The following SEMA3E variants were observed in gnomAD, a reference collection of about 807,000 sequenced individuals.
The protein encoded by SEMA3E is semaphorin-3E.
A neutral mutation model predicts 93.6 loss-of-function variants in SEMA3E; 49 were observed. That is an observed-to-expected ratio of 0.52 (90% CI 0.42 to 0.66). SEMA3E has a LOEUF of 0.66. Among genes scored for constraint, SEMA3E ranks in the 30% least tolerant of loss-of-function variants. The pLI, the probability that SEMA3E is intolerant of heterozygous loss-of-function variation, is 0.00. For missense variants in SEMA3E, 906 were observed against 964.8 expected, an observed-to-expected ratio of 0.94 and a Z score of 0.81; for synonymous variants, 363 against 330.7, an observed-to-expected ratio of 1.10 and a Z score of -1.06.
At chr7:83,554,669 C>G (rs1791845391) in intron 1 of SEMA3E, among the ~76,000 whole-genome samples, 2 of 152,000 alleles carry the variant, frequency 1.3e-5, no homozygotes, top group Admixed American at 1.3e-4. Flanking sequence ...AACAAGATTA[C>G]TAACACTTTA....
chr7:83,487,330 C>T (rs932659754), intron 2 of SEMA3E, among the ~76,000 whole-genome samples: 1 of 152,130 alleles, frequency 6.6e-6, no homozygotes, highest in Middle Eastern at 3.4e-3. Context: ...GGAACCACTC[C>T]ATAAGAGTCA....
intron 4 of SEMA3E, among the ~76,000 whole-genome samples, chr7:83,456,177 T>C (rs1789474482): frequency 6.6e-6 from 1 of 152,256 alleles, no homozygotes; most frequent in South Asian, 2.1e-4. Flanking sequence ...ATTTTAATTT[T>C]GCAAGAGTTC....
chr7:83,630,357 T>C (rs985145496), intron 1 of SEMA3E, among the ~76,000 whole-genome samples: 3 of 152,254 alleles, frequency 2.0e-5, no homozygotes, highest in Non-Finnish European at 4.4e-5. Context: ...GAGATTGTCA[T>C]ATTAAATAAA....
At chr7:83,388,870 A>C (rs1362230588) in intron 14 of SEMA3E, among the ~76,000 whole-genome samples, 1 of 146,506 alleles carries the variant, frequency 6.8e-6, no homozygotes, top group East Asian at 2.0e-4. Flanking sequence ...ATAGAATGCT[A>C]TTTCAAGAGA....
At chr7:83,593,232 C>CTCTCTT (rs1478108131) in intron 1 of SEMA3E, among the ~76,000 whole-genome samples, 1 of 145,946 alleles carries the variant, frequency 6.9e-6, no homozygotes, top group East Asian at 2.1e-4. Context: ...CTCTCTCTCT[C>CTCTCTT]TCTCTTTCGC....
At chr7:83,555,455 G>A (rs1390437614) in intron 1 of SEMA3E, among the ~76,000 whole-genome samples, 1 of 152,086 alleles carries the variant, frequency 6.6e-6, no homozygotes, top group African/African-American at 2.4e-5. Context: ...AAAGATAAAA[G>A]CATGTGTTTT....
In SEMA3E at chr7:83,466,586, A is replaced by G. The variant is rs1419581021; in HGVS notation, c.352T>C (p.Tyr118His). The change falls in exon 4 of 17, where the codon TAT becomes CAT. Residue 118 changes from tyrosine (Y) to histidine (H), a missense_variant. By Grantham distance (83) the Tyr-to-His change is moderately conservative (BLOSUM62 2). Transcript: ENST00000643230. ...KGKDAGECAN[Y>H]VRVLHHYNRT... is the part of the protein sequence containing the mutation. ...TTATAGTGATGCAAAACCCGAACATAATTTGCACATTCACCCTAAAGCAGG... is the reference window on the plus strand; with the variant it reads ...TTATAGTGATGCAAAACCCGAACATGATTTGCACATTCACCCTAAAGCAGG... The G allele has an allele frequency of 3.1e-6, 5 of 1,613,644 alleles. No homozygotes were observed. The highest frequency in any genetic ancestry group is 4.2e-6 in the Non-Finnish European group (5 of 1,179,990).
chr7:83,401,581 T>C (rs1788235291), intron 10 of SEMA3E, among the ~76,000 whole-genome samples: 2 of 152,102 alleles, frequency 1.3e-5, no homozygotes, highest in Admixed American at 1.3e-4. Context: ...TTTAAAATTG[T>C]AATTTCAATC....
intron 1 of SEMA3E, among the ~76,000 whole-genome samples, chr7:83,534,059 T>A (rs911719450): frequency 3.9e-5 from 6 of 152,208 alleles, no homozygotes; most frequent in Non-Finnish European, 7.3e-5. Context: ...CCAATTCTAT[T>A]TAATTTGGAG....
chr7:83,600,350 C>T (rs544034833), intron 1 of SEMA3E, among the ~76,000 whole-genome samples: 12 of 150,788 alleles, frequency 8.0e-5, no homozygotes, highest in Non-Finnish European at 1.6e-4. Flanking sequence ...GGCGGAGTCT[C>T]GCTCTGTCAC....
At chr7:83,599,558 A>G (rs1179198222) in intron 1 of SEMA3E, among the ~76,000 whole-genome samples, 1 of 152,224 alleles carries the variant, frequency 6.6e-6, no homozygotes. Flanking sequence ...TAACATAAGT[A>G]TGAATAGTTA....
intron 4 of SEMA3E, among the ~76,000 whole-genome samples, chr7:83,453,260 C>T (rs1308238925): frequency 6.6e-6 from 1 of 152,026 alleles, no homozygotes; most frequent in Non-Finnish European, 1.5e-5. Context: ...GAACTCCTGA[C>T]CTCCTGTGAT....
chr7:83,491,555 T>C (rs1310696430), intron 1 of SEMA3E, among the ~76,000 whole-genome samples: 1 of 152,024 alleles, frequency 6.6e-6, no homozygotes, highest in African/African-American at 2.4e-5. Flanking sequence ...CTTTGAGATA[T>C]TGAGTCTTTT....
At chr7:83,505,782 A>T (rs1298851249) in intron 1 of SEMA3E, among the ~76,000 whole-genome samples, 1 of 151,866 alleles carries the variant, frequency 6.6e-6, no homozygotes, top group Non-Finnish European at 1.5e-5. Flanking sequence ...TTGGGATGCC[A>T]AGGGGGGCAG....
chr7:83,470,826 GT>G (rs969899671), intron 2 of SEMA3E, among the ~76,000 whole-genome samples: 6 of 139,210 alleles, frequency 4.3e-5, no homozygotes, highest in African/African-American at 1.3e-4. Flanking sequence ...GTTTCTGAGT[GT>G]TTTGTAATGT....
chr7:83,396,463 C>T (rs577569818), intron 12 of SEMA3E, among the ~76,000 whole-genome samples, 175 bp downstream of exon 12: 4 of 151,994 alleles, frequency 2.6e-5, no homozygotes, highest in Admixed American at 6.6e-5. Context: ...TCAGTTGAAA[C>T]GTCTGTAACA....
At chr7:83,522,515 C>T (rs1791070758) in intron 1 of SEMA3E, among the ~76,000 whole-genome samples, 1 of 151,994 alleles carries the variant, frequency 6.6e-6, no homozygotes, top group African/African-American at 2.4e-5. Context: ...GGGATTTTGC[C>T]TGAGATTGCA....
chr7:83,441,853 G>GA (rs1477381428), intron 4 of SEMA3E, among the ~76,000 whole-genome samples: 3 of 152,212 alleles, frequency 2.0e-5, no homozygotes, highest in African/African-American at 7.2e-5. Flanking sequence ...AGGTCTGCAA[G>GA]ACAATGTAAG....
chr7:83,384,229 G>T (rs574128613), intron 16 of SEMA3E, among the ~76,000 whole-genome samples: 1 of 152,070 alleles, frequency 6.6e-6, no homozygotes, highest in Admixed American at 6.6e-5. Context: ...AGGAAAAAAG[G>T]AATAAAAAGT....
Sources: allele counts gnomAD v4.1 joint callset (sites outside exome capture counted in the v4.1 genomes callset), GRCh38; gene constraint gnomAD v4.1.1; transcripts MANE v1.5; gene names NCBI Gene and HGNC (gene_info 2026-07-23, HGNC 2026-07-21).